CXADR: variants seen among roughly 807,000 people sequenced by gnomAD.
CXADR encodes coxsackievirus and adenovirus receptor.
Under a neutral mutation model 40.3 loss-of-function variants are expected in CXADR, and 20 were observed. The ratio of observed to expected loss-of-function variants is 0.50; its 90% confidence interval spans 0.35 to 0.72. The LOEUF is 0.72. Among genes scored for constraint, CXADR ranks in the 30% least tolerant of loss-of-function variants. CXADR has a pLI of 0.01. For missense variants in CXADR, 332 were observed against 449.1 expected, an observed-to-expected ratio of 0.74 and a Z score of 2.36; for synonymous variants, 150 against 161.3, an observed-to-expected ratio of 0.93 and a Z score of 0.53.
chr21:17,558,881 C>A, intron 3 of CXADR, 95 bp from the exon 4 acceptor site: 1 of 1,288,414 alleles, frequency 7.8e-7, no homozygotes, highest in Non-Finnish European at 1.1e-6. Flanking sequence ...AACCCAGAAC[C>A]AACTGATAAT....
the CXADR span, among the ~76,000 whole-genome samples, chr21:17,616,552 G>A: frequency 6.6e-6 from 1 of 151,878 alleles, no homozygotes; most frequent in East Asian, 2.0e-4. Context: ...ACCTAGGATG[G>A]TCTCGATCTC....
chr21:17,513,210 C>T, intron 1 of CXADR, 38 bp downstream of exon 1: 1 of 1,348,684 alleles, frequency 7.4e-7, no homozygotes, highest in Non-Finnish European at 9.5e-7. Context: ...ACCCGCCCAG[C>T]CCGGGGGCGC....
chr21:17,590,049 T>C (rs2061424072), intron 7 of CXADR, among the ~76,000 whole-genome samples: 1 of 152,136 alleles, frequency 6.6e-6, no homozygotes, highest in African/African-American at 2.4e-5. Context: ...TTCACCCATA[T>C]TCCCTATGGA....
At chr21:17,627,125 G>GAC in the CXADR span, 36 of 152,460 alleles carry the variant, frequency 2.4e-4, no homozygotes, top group African/African-American at 8.2e-4. Context: ...GGGAGGCCAA[G>GAC]GCGGGCAGAT....
the CXADR span, among the ~76,000 whole-genome samples, chr21:17,599,874 TA>T: frequency 1.3e-5 from 2 of 152,082 alleles, no homozygotes; most frequent in Non-Finnish European, 2.9e-5. Flanking sequence ...CCCAATTAAA[TA>T]AAAAAGGGGG....
At chr21:17,625,809 C>T in the CXADR span, among the ~76,000 whole-genome samples, 53 of 152,128 alleles carry the variant, frequency 3.5e-4, no homozygotes, top group African/African-American at 1.1e-3. Context: ...GATATCAATC[C>T]CCTCAGAGTT....
chr21:17,535,634 T>C (rs1200633549), intron 1 of CXADR, among the ~76,000 whole-genome samples: 7 of 152,190 alleles, frequency 4.6e-5, no homozygotes, highest in Admixed American at 3.3e-4. Flanking sequence ...AATAAGTTCT[T>C]CATAACATTT....
At position 17,590,925 on chromosome 21, in the gene CXADR, C is replaced by G. The variant is rs146673713; in HGVS notation, c.1018-2227C>G. ...AGCAATAAAATTACTATCAGATGATCAGCCAGCTCCCTCTTCAGATATATC... is the reference window on the plus strand; with the variant it reads ...AGCAATAAAATTACTATCAGATGATGAGCCAGCTCCCTCTTCAGATATATC... On this transcript the variant is annotated intron_variant, in intron 7 of 7. Coordinates refer to the CXADR transcript ENST00000400169. Among the ~76,000 whole-genome samples the G allele has an allele frequency of 1.1e-3, 160 of 152,142 alleles. 3 individuals carry two copies. The highest frequency in any genetic ancestry group is 8.7e-3 in the Admixed American group (132 of 15,258).
chr21:17,543,385 C>A (rs2060854772), intron 1 of CXADR, among the ~76,000 whole-genome samples: 1 of 152,146 alleles, frequency 6.6e-6, no homozygotes. Flanking sequence ...GTACTGAGAA[C>A]ATGAATTTGG....
In CXADR at chr21:17,560,827, A is replaced by G; in HGVS notation, c.694+3A>G. The G allele has an allele frequency of 1.2e-6, 2 of 1,612,770 alleles. No homozygotes were observed. Among genetic ancestry groups the G allele is most frequent in the Non-Finnish European group, 1.7e-6 (2 of 1,179,400 alleles). On this transcript the variant is annotated splice_donor_region_variant and intron_variant, in intron 5 of 6. Transcript: ENST00000284878. ...GTTGCGTCTAAACGTTGTCCCTCGT[A>G]AGTTATCTTCTTTCTGTTGGTGGTT...
intron 1 of CXADR, among the ~76,000 whole-genome samples, chr21:17,523,059 A>T (rs1027006767): frequency 6.6e-5 from 10 of 152,198 alleles, no homozygotes; most frequent in African/African-American, 2.4e-4. Flanking sequence ...AATCTAGGTT[A>T]TACCATTCTC....
chr21:17,605,879 T>C, the CXADR span, among the ~76,000 whole-genome samples: 1 of 152,202 alleles, frequency 6.6e-6, no homozygotes, highest in African/African-American at 2.4e-5. Flanking sequence ...GTAAGCCTAG[T>C]TAAGTCACTG....
chr21:17,594,815 A>C (rs2061483587), downstream of CXADR, among the ~76,000 whole-genome samples: 2 of 152,000 alleles, frequency 1.3e-5, no homozygotes. Flanking sequence ...AACACAAAGA[A>C]GGAAACAATA....
chr21:17,531,032 G>T (rs558400673), intron 1 of CXADR, among the ~76,000 whole-genome samples: 99 of 152,120 alleles, frequency 6.5e-4, no homozygotes, highest in South Asian at 5.8e-3. Context: ...AGGCGCAGTG[G>T]CTCACGCCTG....
intron 1 of CXADR, among the ~76,000 whole-genome samples, chr21:17,523,624 G>T (rs1194879880): frequency 6.6e-6 from 1 of 152,086 alleles, no homozygotes; most frequent in Non-Finnish European, 1.5e-5. Flanking sequence ...TTTGGATTCA[G>T]TTTATTTGGT....
intron 1 of CXADR, among the ~76,000 whole-genome samples, chr21:17,515,787 CAG>C (rs1445052802): frequency 2.6e-5 from 4 of 152,150 alleles, no homozygotes; most frequent in African/African-American, 9.7e-5. Flanking sequence ...GCCTGGGCGA[CAG>C]AGCTAGACTC....
chr21:17,613,070 G>C, the CXADR span: 2 of 151,932 alleles, frequency 1.3e-5, no homozygotes, highest in Non-Finnish European at 2.9e-5. Flanking sequence ...CTAGCCGCAC[G>C]GGAGGCGACA....
At chr21:17,620,633 C>T in the CXADR span, among the ~76,000 whole-genome samples, 1 of 151,928 alleles carries the variant, frequency 6.6e-6, no homozygotes, top group African/African-American at 2.4e-5. Context: ...TGTAAAAAAA[C>T]ATGCAATATC....
intron 1 of CXADR, among the ~76,000 whole-genome samples, chr21:17,521,671 A>C (rs904517942): frequency 3.9e-5 from 6 of 152,186 alleles, no homozygotes; most frequent in African/African-American, 9.7e-5. Context: ...GTGGAGAGTG[A>C]AAAATAAACT....
Sources: allele counts gnomAD v4.1 joint callset (sites outside exome capture counted in the v4.1 genomes callset), GRCh38; gene constraint gnomAD v4.1.1; transcripts MANE v1.5; gene names NCBI Gene and HGNC (gene_info 2026-07-23, HGNC 2026-07-21).